Variants in CHST9 observed in about 807,000 individuals in gnomAD.
The protein encoded by CHST9 is carbohydrate sulfotransferase 9.
A neutral mutation model predicts 44.4 loss-of-function variants in CHST9; 41 were observed. That is an observed-to-expected ratio of 0.92 (90% CI 0.72 to 1.20). CHST9 has a LOEUF of 1.20. CHST9 is among the 50% of genes most tolerant of loss of function. The pLI is 0.00. For synonymous variants in CHST9, 171 were observed against 178.4 expected (o/e 0.96, Z 0.33); for missense variants, 504 against 516.5 (o/e 0.98, Z 0.23).
intron 2 of CHST9, among the ~76,000 whole-genome samples, chr18:27,101,377 G>T (rs1337968803): frequency 6.6e-6 from 1 of 152,038 alleles, no homozygotes; most frequent in South Asian, 2.1e-4. Context: ...GGATCACGAG[G>T]TCAGGAGATC....
intron 1 of CHST9, among the ~76,000 whole-genome samples, chr18:27,183,432 C>T (rs560353768): frequency 6.6e-6 from 1 of 152,160 alleles, no homozygotes; most frequent in Admixed American, 6.5e-5. Context: ...TGGACTATCA[C>T]CAAGCCTCTG....
chr18:26,983,116 G>A (rs1373557349), intron 4 of CHST9, among the ~76,000 whole-genome samples: 2 of 152,162 alleles, frequency 1.3e-5, no homozygotes, highest in Non-Finnish European at 2.9e-5. Context: ...GCAATCACTG[G>A]TGGTATAACC....
At chr18:27,146,139 G>C (rs770372440) in intron 1 of CHST9, among the ~76,000 whole-genome samples, 1 of 152,170 alleles carries the variant, frequency 6.6e-6, no homozygotes, top group African/African-American at 2.4e-5. Flanking sequence ...AGTACTCCTC[G>C]GGGGTTTGCA....
chr18:27,026,984 A>G (rs909218951), intron 3 of CHST9, among the ~76,000 whole-genome samples: 2 of 152,224 alleles, frequency 1.3e-5, no homozygotes, highest in East Asian at 3.8e-4. Flanking sequence ...ACATCATAAT[A>G]AGTGAATAGG....
At chr18:26,993,574 G>C (rs1272166435) in intron 4 of CHST9, among the ~76,000 whole-genome samples, 1 of 152,110 alleles carries the variant, frequency 6.6e-6, no homozygotes, top group Non-Finnish European at 1.5e-5. Context: ...TAAGATAAAT[G>C]AGGAAACAAT....
intron 5 of CHST9, chr18:26,935,074 T>A (rs2055962973): frequency 6.6e-6 from 1 of 152,248 alleles, no homozygotes; most frequent in African/African-American, 2.4e-5. Flanking sequence ...ATTGATTGAT[T>A]AAAAGCATAT....
chr18:27,116,445 C>G (rs367814664), intron 2 of CHST9, among the ~76,000 whole-genome samples: 6 of 152,146 alleles, frequency 3.9e-5, no homozygotes, highest in East Asian at 3.8e-4. Context: ...GGGTTGATTT[C>G]TGAGCTCTCA....
In CHST9 at chr18:26,908,124, C is replaced by T. The variant is rs2145025368; in HGVS notation, c.*8135G>A. The T allele has an allele frequency of 6.6e-6, 1 of 152,444 alleles. No homozygotes were observed. The highest frequency in any genetic ancestry group is 2.1e-4 in the South Asian group (1 of 4,826). 9.4% of individuals were successfully genotyped at this position (152,444 alleles called of 1,614,324 possible). ...ACACTAAATGCTGCTGAACTGTACA[C>T]TTAAAAAATGGTGGCAAGGCATGGT... On this transcript the variant is annotated 3_prime_UTR_variant, in exon 6 of 6. Coordinates refer to ENST00000618847, the MANE Select transcript of CHST9 (RefSeq NM_031422.6).
intron 5 of CHST9, among the ~76,000 whole-genome samples, chr18:26,930,144 C>T (rs2145083805): frequency 6.6e-6 from 1 of 152,308 alleles, no homozygotes. Context: ...AGACAGCTCC[C>T]CAAAGCCTGC....
At chr18:26,988,903 T>G (rs1247942568) in intron 4 of CHST9, among the ~76,000 whole-genome samples, 1 of 151,866 alleles carries the variant, frequency 6.6e-6, no homozygotes, top group Admixed American at 6.6e-5. Context: ...AAAATCTAAA[T>G]AACACAAAGG....
At chr18:26,946,500 T>G (rs780040767) in intron 4 of CHST9, among the ~76,000 whole-genome samples, 19 of 152,138 alleles carry the variant, frequency 1.2e-4, no homozygotes. Flanking sequence ...TAGACCATTT[T>G]TGGGAAATTT....
intron 1 of CHST9, among the ~76,000 whole-genome samples, chr18:27,155,891 G>T (rs114373753): frequency 1.6e-4 from 24 of 152,140 alleles, no homozygotes; most frequent in African/African-American, 5.8e-4. Flanking sequence ...GCATCCACCG[G>T]TAAAATGGGA....
intron 2 of CHST9, among the ~76,000 whole-genome samples, chr18:27,068,998 T>C (rs913452521): frequency 3.9e-5 from 6 of 152,242 alleles, no homozygotes; most frequent in Admixed American, 1.3e-4. Flanking sequence ...TGCCATTTTA[T>C]GTGTTTGGAT....
intron 4 of CHST9, among the ~76,000 whole-genome samples, chr18:26,995,466 CAGCCTTGAGGAAAACCCCA>C (rs2056877177): frequency 1.3e-5 from 2 of 150,308 alleles, no homozygotes; most frequent in Non-Finnish European, 3.0e-5. Flanking sequence ...AAGATTACTG[CAGCCTTGAGGAAAACCCCA>C]AGGTAAAACT....
chr18:26,996,391 G>A (rs952716091), intron 4 of CHST9, among the ~76,000 whole-genome samples: 2 of 152,172 alleles, frequency 1.3e-5, no homozygotes, highest in East Asian at 1.9e-4. Context: ...TGGGTCATGG[G>A]AGCGGATCCC....
At chr18:27,178,884 T>C (rs772751310) in intron 1 of CHST9, among the ~76,000 whole-genome samples, 6 of 152,050 alleles carry the variant, frequency 3.9e-5, no homozygotes, top group Non-Finnish European at 8.8e-5. Flanking sequence ...CGTAGTTTTG[T>C]GGTATAAATT....
At chr18:27,135,838 G>GT (rs2058509323) in intron 2 of CHST9, among the ~76,000 whole-genome samples, 1 of 152,216 alleles carries the variant, frequency 6.6e-6, no homozygotes, top group Non-Finnish European at 1.5e-5. Flanking sequence ...CCACCTGAGA[G>GT]TTTTATTAAA....
chr18:26,990,391 T>A (rs1369745525), intron 4 of CHST9, among the ~76,000 whole-genome samples: 2 of 152,190 alleles, frequency 1.3e-5, no homozygotes, highest in Non-Finnish European at 2.9e-5. Flanking sequence ...CAAGTAACTG[T>A]TTCTTGATCT....
At chr18:26,927,232 G>A (rs1293493994) in intron 5 of CHST9, among the ~76,000 whole-genome samples, 7 of 152,108 alleles carry the variant, frequency 4.6e-5, no homozygotes, top group Non-Finnish European at 4.4e-5. Flanking sequence ...CTTTTTATGT[G>A]TGTGTGTTAT....
Sources: allele counts gnomAD v4.1 joint callset (sites outside exome capture counted in the v4.1 genomes callset), GRCh38; gene constraint gnomAD v4.1.1; transcripts MANE v1.5; gene names NCBI Gene and HGNC (gene_info 2026-07-23, HGNC 2026-07-21).